Variants in UBE2G1 observed in about 807,000 individuals in gnomAD.
The protein encoded by UBE2G1 is ubiquitin-conjugating enzyme E2 G1.
UBE2G1 carries 5 observed loss-of-function variants against 22.7 expected under a neutral mutation model. That is an observed-to-expected ratio of 0.22 (90% confidence interval 0.12 to 0.46). The LOEUF (loss-of-function observed/expected upper bound fraction) is 0.46, where lower values mean the gene tolerates loss of function less well. Ranked by LOEUF, UBE2G1 falls within the 20% of genes least tolerant of loss-of-function variation. The pLI is 0.99. For missense variants in UBE2G1, 88 were observed against 203.9 expected, an observed-to-expected ratio of 0.43 and a Z score of 3.46; for synonymous variants, 74 against 67.5, an observed-to-expected ratio of 1.10 and a Z score of -0.47.
chr17:4,330,782 C>T (rs189373438), intron 1 of UBE2G1, among the ~76,000 whole-genome samples: 22 of 151,486 alleles, frequency 1.5e-4, no homozygotes, highest in South Asian at 4.2e-4. Flanking sequence ...TAATTAGAGA[C>T]GGGGTTTCAC....
intron 1 of UBE2G1, among the ~76,000 whole-genome samples, chr17:4,330,089 C>T (rs1462365970): frequency 6.6e-6 from 1 of 152,056 alleles, no homozygotes; most frequent in African/African-American, 2.4e-5. Flanking sequence ...ACTAGTTTAG[C>T]TAGACCACCC....
At chr17:4,328,800 T>C (rs1969530447) in intron 1 of UBE2G1, among the ~76,000 whole-genome samples, 1 of 152,238 alleles carries the variant, frequency 6.6e-6, no homozygotes, top group African/African-American at 2.4e-5. Flanking sequence ...AACATGACAA[T>C]GGTGGGCGGG....
intron 2 of UBE2G1, among the ~76,000 whole-genome samples, chr17:4,304,597 A>G (rs1473251049): frequency 6.6e-6 from 1 of 152,194 alleles, no homozygotes; most frequent in African/African-American, 2.4e-5. Flanking sequence ...GACTGAAAAG[A>G]GAGTGGAGCG....
chr17:4,365,570 C>G (rs916297544), intron 1 of UBE2G1, among the ~76,000 whole-genome samples: 1 of 152,156 alleles, frequency 6.6e-6, no homozygotes, highest in Admixed American at 6.5e-5. Flanking sequence ...GCACAAAGCC[C>G]GGAGCCGGCC....
At chr17:4,291,453 T>C (rs1314043285) in intron 3 of UBE2G1, among the ~76,000 whole-genome samples, 1 of 152,182 alleles carries the variant, frequency 6.6e-6, no homozygotes, top group Non-Finnish European at 1.5e-5. Context: ...TACAATGTTT[T>C]CTGTACTTAC....
chr17:4,338,162 T>A (rs1363537984), intron 1 of UBE2G1, among the ~76,000 whole-genome samples: 14 of 141,022 alleles, frequency 9.9e-5, no homozygotes, highest in Non-Finnish European at 1.4e-4. Context: ...AGAGCGAGAC[T>A]CCATCTCAAA....
intron 2 of UBE2G1, chr17:4,301,977 T>G: frequency 2.0e-6 from 1 of 491,088 alleles, no homozygotes; most frequent in East Asian, 5.5e-5. Flanking sequence ...ATCTGTGCCT[T>G]CCTTGGCTCT....
At chr17:4,362,895 G>A (rs1969985453) in intron 1 of UBE2G1, among the ~76,000 whole-genome samples, 1 of 152,078 alleles carries the variant, frequency 6.6e-6, no homozygotes, top group Non-Finnish European at 1.5e-5. Flanking sequence ...GGCCGAGGTG[G>A]GTGGATCACC....
intron 1 of UBE2G1, among the ~76,000 whole-genome samples, chr17:4,309,396 T>C (rs1969282660): frequency 6.6e-6 from 1 of 152,286 alleles, no homozygotes; most frequent in South Asian, 2.1e-4. Context: ...CAGCTCTGTA[T>C]TTCAAAACAC....
chr17:4,293,145 C>A (rs1478847284), intron 3 of UBE2G1, among the ~76,000 whole-genome samples: 1 of 152,102 alleles, frequency 6.6e-6, no homozygotes, highest in Non-Finnish European at 1.5e-5. Context: ...ATCCCCCCCA[C>A]CTCCCCTCCA....
intron 1 of UBE2G1, among the ~76,000 whole-genome samples, chr17:4,338,655 CTG>C (rs1969676893): frequency 6.6e-6 from 1 of 152,164 alleles, no homozygotes; most frequent in Non-Finnish European, 1.5e-5. Context: ...ATAGCAAACT[CTG>C]TATTATATTT....
chr17:4,345,890 A>G (rs1406450716), intron 1 of UBE2G1: 2 of 152,230 alleles, frequency 1.3e-5, no homozygotes, highest in African/African-American at 2.4e-5. Context: ...CTTATTTAAG[A>G]AAACAACCTA....
intron 2 of UBE2G1, among the ~76,000 whole-genome samples, chr17:4,304,535 A>G (rs1442740635): frequency 2.0e-5 from 3 of 149,324 alleles, no homozygotes; most frequent in Non-Finnish European, 4.5e-5. Flanking sequence ...ACTTGTGGCA[A>G]CTATAGGAGT....
chr17:4,324,867 G>T (rs1969484520), intron 1 of UBE2G1, among the ~76,000 whole-genome samples: 1 of 152,038 alleles, frequency 6.6e-6, no homozygotes, highest in Non-Finnish European at 1.5e-5. Context: ...CACGAGGTCA[G>T]GAGATCGAGA....
chr17:4,331,382 T>C (rs566942988), intron 1 of UBE2G1, among the ~76,000 whole-genome samples: 23 of 152,332 alleles, frequency 1.5e-4, no homozygotes, highest in Admixed American at 5.2e-4. Context: ...GGGAATATGA[T>C]AGTAGCAGCA....
At chr17:4,350,616 C>T (rs933961326) in intron 1 of UBE2G1, among the ~76,000 whole-genome samples, 16 of 152,122 alleles carry the variant, frequency 1.1e-4, no homozygotes, top group Non-Finnish European at 5.9e-5. Context: ...GCAACTTAGA[C>T]GTAATTATTT....
At chr17:4,329,132 GA>G (rs962022737) in intron 1 of UBE2G1, among the ~76,000 whole-genome samples, 3 of 114,744 alleles carry the variant, frequency 2.6e-5, no homozygotes, top group African/African-American at 1.0e-4. Context: ...AAAAAAAAAA[GA>G]CACTTCTGTA....
chr17:4,362,059 CTT>C (rs1820722363), intron 1 of UBE2G1, among the ~76,000 whole-genome samples: 2 of 150,550 alleles, frequency 1.3e-5, no homozygotes, highest in Non-Finnish European at 3.0e-5. Context: ...TTTTTGTACT[CTT>C]TGCATTTTTA....
chr17:4,299,113 C>CA (rs949489150), intron 2 of UBE2G1, among the ~76,000 whole-genome samples: 1 of 152,100 alleles, frequency 6.6e-6, no homozygotes. Flanking sequence ...AAATAGAAAA[C>CA]AGAGTTTATC....
Sources: allele counts gnomAD v4.1 joint callset (sites outside exome capture counted in the v4.1 genomes callset), GRCh38; gene constraint gnomAD v4.1.1; transcripts MANE v1.5; gene names NCBI Gene and HGNC (gene_info 2026-07-23, HGNC 2026-07-21).